The following RARB variants were observed in gnomAD, a reference collection of about 807,000 sequenced individuals.
The protein encoded by RARB is retinoic acid receptor beta.
In RARB, 17 loss-of-function variants were observed where a neutral mutation model predicts 51.9. The observed-to-expected ratio is 0.33, with a 90% CI of 0.22 to 0.49. The LOEUF (loss-of-function observed/expected upper bound fraction) is 0.49, where lower values mean the gene tolerates loss of function less well. Ranked by LOEUF, RARB falls within the 20% of genes least tolerant of loss-of-function variation. The probability of loss-of-function intolerance (pLI) is 0.99; values close to 1 mark genes in which losing one functional copy is unlikely to be tolerated. For missense variants in RARB, 369 were observed against 550.8 expected (o/e 0.67, Z 3.30); for synonymous variants, 215 against 195.4 (o/e 1.10, Z -0.84).
At chr3:25,273,701 T>C (rs2125412572) in intron 5 of RARB, among the ~76,000 whole-genome samples, 2 of 152,380 alleles carry the variant, frequency 1.3e-5, no homozygotes, top group South Asian at 4.1e-4. Flanking sequence ...TATGGTTTCA[T>C]ATTGCCCATG....
At chr3:25,464,334 T>C (rs914823514) in intron 2 of RARB, among the ~76,000 whole-genome samples, 5 of 152,234 alleles carry the variant, frequency 3.3e-5, no homozygotes, top group African/African-American at 1.2e-4. Flanking sequence ...GGATTCTGAC[T>C]CCTTTTTAGG....
At chr3:25,212,527 A>G (rs927529429) in intron 5 of RARB, among the ~76,000 whole-genome samples, 23 of 152,306 alleles carry the variant, frequency 1.5e-4, no homozygotes, top group African/African-American at 5.3e-4. Flanking sequence ...CTGAGGCAGA[A>G]GGATCGCTTG....
chr3:25,238,412 G>A (rs1575245296), intron 5 of RARB, among the ~76,000 whole-genome samples: 1 of 152,094 alleles, frequency 6.6e-6, no homozygotes, highest in East Asian at 1.9e-4. Flanking sequence ...TTATCCATTG[G>A]TGGACACTTA....
intron 2 of RARB, among the ~76,000 whole-genome samples, chr3:25,464,924 T>C (rs1157677827): frequency 3.9e-5 from 6 of 152,158 alleles, no homozygotes; most frequent in Non-Finnish European, 1.5e-5. Context: ...GTTATACAAT[T>C]AATATAGTAG....
intron 2 of RARB, among the ~76,000 whole-genome samples, chr3:24,871,124 T>A (rs1314660794): frequency 6.6e-6 from 1 of 152,146 alleles, no homozygotes; most frequent in Non-Finnish European, 1.5e-5. Flanking sequence ...AGAACTTATG[T>A]TGATGACCAA....
intron 5 of RARB, among the ~76,000 whole-genome samples, chr3:25,330,196 C>A (rs1232212503): frequency 1.3e-5 from 2 of 151,812 alleles, no homozygotes; most frequent in South Asian, 2.1e-4. Flanking sequence ...GAAGAGCAAC[C>A]CCAAGACACA....
chr3:25,418,166 A>G (rs1242562422), intron 5 of RARB, among the ~76,000 whole-genome samples: 1 of 152,234 alleles, frequency 6.6e-6, no homozygotes, highest in African/African-American at 2.4e-5. Flanking sequence ...TATGGTGTCT[A>G]TCTGGATGGC....
chr3:25,294,264 G>A (rs1703862982), intron 5 of RARB, among the ~76,000 whole-genome samples: 2 of 152,194 alleles, frequency 1.3e-5, no homozygotes, highest in East Asian at 1.9e-4. Context: ...CTGAGAAGCA[G>A]CATATTCTAG....
intron 5 of RARB, among the ~76,000 whole-genome samples, chr3:25,246,923 C>T (rs1047287687): frequency 1.3e-5 from 2 of 152,214 alleles, no homozygotes; most frequent in African/African-American, 4.8e-5. Flanking sequence ...GCACCCACAG[C>T]TGCCCCTTCC....
At chr3:25,147,810 A>C (rs573317675) in intron 4 of RARB, among the ~76,000 whole-genome samples, 104 of 152,330 alleles carry the variant, frequency 6.8e-4, no homozygotes, top group Admixed American at 1.8e-3. Flanking sequence ...AGCCAATGAG[A>C]CTTAAGCTGA....
intron 5 of RARB, among the ~76,000 whole-genome samples, chr3:25,206,219 G>A (rs1053532487): frequency 6.6e-6 from 1 of 152,130 alleles, no homozygotes; most frequent in Non-Finnish European, 1.5e-5. Flanking sequence ...TCCCCTCCTT[G>A]GTTCTGGTTG....
intron 5 of RARB, among the ~76,000 whole-genome samples, chr3:25,196,611 G>C (rs1477775632): frequency 6.6e-6 from 1 of 152,112 alleles, no homozygotes; most frequent in Non-Finnish European, 1.5e-5. Context: ...GGGTCAAATG[G>C]TATTACTAGT....
intron 5 of RARB, among the ~76,000 whole-genome samples, chr3:25,176,543 G>T (rs1247136293): frequency 6.6e-6 from 1 of 150,808 alleles, no homozygotes; most frequent in Non-Finnish European, 1.5e-5. Flanking sequence ...CTACAGGCAC[G>T]CACCACCACA....
At chr3:25,313,209 T>A (rs1001973448) in intron 5 of RARB, among the ~76,000 whole-genome samples, 2 of 152,220 alleles carry the variant, frequency 1.3e-5, no homozygotes, top group Non-Finnish European at 2.9e-5. Flanking sequence ...AAGACCCGCT[T>A]GTTTTTTCTC....
chr3:25,205,013 G>C (rs1311660249), intron 5 of RARB, among the ~76,000 whole-genome samples: 1 of 152,174 alleles, frequency 6.6e-6, no homozygotes, highest in African/African-American at 2.4e-5. Context: ...GGTATGCCTT[G>C]CCCCCAGAGG....
intron 3 of RARB, among the ~76,000 whole-genome samples, chr3:25,525,012 A>C (rs1037347287): frequency 6.6e-6 from 1 of 152,046 alleles, no homozygotes; most frequent in Non-Finnish European, 1.5e-5. Context: ...TATAGGCTTG[A>C]GCCACCACGT....
intron 2 of RARB, among the ~76,000 whole-genome samples, chr3:24,917,823 A>G (rs1407131602): frequency 6.6e-6 from 1 of 152,214 alleles, no homozygotes; most frequent in East Asian, 1.9e-4. Context: ...CACAGTGCCC[A>G]GCCCATGTCG....
intron 5 of RARB, among the ~76,000 whole-genome samples, chr3:25,339,143 A>G (rs1337294126): frequency 1.3e-5 from 2 of 152,206 alleles, no homozygotes; most frequent in Non-Finnish European, 2.9e-5. Flanking sequence ...AACACCCTTA[A>G]AGGAGAAGTC....
At chr3:25,014,570 G>T (rs1444377099) in intron 2 of RARB, among the ~76,000 whole-genome samples, 6 of 152,080 alleles carry the variant, frequency 3.9e-5, no homozygotes, top group Admixed American at 2.6e-4. Flanking sequence ...CTGAGTAAGT[G>T]TAGCCAATGT....
Sources: gnomAD v4.1 joint callset for allele counts (sites outside exome capture counted in the v4.1 genomes callset) on GRCh38, gnomAD v4.1.1 for gene constraint, MANE v1.5 for transcripts, NCBI Gene and HGNC (gene_info 2026-07-23, HGNC 2026-07-21) for gene names.